Variants in CHCHD3 observed in about 807,000 individuals in gnomAD.
CHCHD3 encodes coiled-coil-helix-coiled-coil-helix domain containing 3.
CHCHD3 carries 20 observed loss-of-function variants against 38.2 expected under a neutral mutation model. The observed-to-expected ratio is 0.52, with a 90% CI of 0.37 to 0.76. The LOEUF (loss-of-function observed/expected upper bound fraction) is 0.76. CHCHD3 is among the 30% of genes least tolerant of loss of function. The pLI is 0.00. For synonymous variants in CHCHD3, 82 were observed against 100.0 expected (o/e 0.82, Z 1.07); for missense variants, 245 against 279.2 (o/e 0.88, Z 0.87).
chr7:132,926,188 CA>C (rs1810373039), intron 4 of CHCHD3, among the ~76,000 whole-genome samples: 2 of 152,144 alleles, frequency 1.3e-5, no homozygotes, highest in African/African-American at 4.8e-5. Flanking sequence ...CAGTACAGGC[CA>C]AATGAAGGCC....
chr7:132,948,262 T>C lies in CHCHD3; in HGVS notation c.369+26907A>G, dbSNP rs536720006. Among the ~76,000 whole-genome samples, 6 of 152,188 alleles carry C rather than the reference T, an allele frequency of 3.9e-5. 1 individual carries two copies. The highest frequency in any genetic ancestry group is 4.1e-4 in the South Asian group (2 of 4,826). On this transcript the variant is annotated intron_variant, in intron 4 of 7. Transcript: ENST00000262570. The stretch of plus-strand genomic sequence containing the variant: ...GACCTTGACTCTGACTGCTGGCTGT[T>C]TCCAAAAATCAAATTTATTCTCAGC...
chr7:132,906,899 T>C (rs1402195071), intron 4 of CHCHD3, among the ~76,000 whole-genome samples: 1 of 152,172 alleles, frequency 6.6e-6, no homozygotes, highest in South Asian at 2.1e-4. Flanking sequence ...GTGGGTAGAA[T>C]GGCCAGGACA....
chr7:132,910,725 T>C (rs1001223114), intron 4 of CHCHD3, among the ~76,000 whole-genome samples: 3 of 152,186 alleles, frequency 2.0e-5, no homozygotes, highest in African/African-American at 7.2e-5. Context: ...AGCAATTATA[T>C]GCTTCTAAGA....
At chr7:132,939,621 ATGAC>A (rs1410029675) in intron 4 of CHCHD3, among the ~76,000 whole-genome samples, 1 of 152,174 alleles carries the variant, frequency 6.6e-6, no homozygotes, top group Admixed American at 6.5e-5. Context: ...TTTGTTATTT[ATGAC>A]TGTACCAAAC....
At chr7:132,815,499 TCA>T (rs1563243613) in intron 6 of CHCHD3, 1 of 451,980 alleles carries the variant, frequency 2.2e-6, no homozygotes, top group African/African-American at 2.0e-5. Flanking sequence ...CAAATGCCAG[TCA>T]CAGTTTCACT....
At chr7:132,875,682 T>A (rs539620091) in intron 5 of CHCHD3, among the ~76,000 whole-genome samples, 21 of 152,234 alleles carry the variant, frequency 1.4e-4, no homozygotes, top group African/African-American at 5.1e-4. Context: ...TCATTATATC[T>A]TTGAATAGAG....
intron 5 of CHCHD3, among the ~76,000 whole-genome samples, chr7:132,868,214 G>A (rs985461855): frequency 1.3e-5 from 2 of 152,008 alleles, no homozygotes; most frequent in African/African-American, 4.8e-5. Flanking sequence ...TTGCTTTTTA[G>A]GTAGAAGCAG....
intron 5 of CHCHD3, among the ~76,000 whole-genome samples, chr7:132,841,149 T>A (rs1807929667): frequency 6.6e-6 from 1 of 152,132 alleles, no homozygotes; most frequent in African/African-American, 2.4e-5. Context: ...GTGTAGACAG[T>A]GTTTAATTCA....
At chr7:132,823,580 G>A (rs1382232049) in intron 6 of CHCHD3, among the ~76,000 whole-genome samples, 2 of 152,120 alleles carry the variant, frequency 1.3e-5, no homozygotes, top group African/African-American at 4.8e-5. Context: ...AAAGAGAAAA[G>A]TTGTTCATAA....
At chr7:132,812,314 A>G (rs1360759136) in intron 6 of CHCHD3, among the ~76,000 whole-genome samples, 1 of 137,312 alleles carries the variant, frequency 7.3e-6, no homozygotes, top group Non-Finnish European at 1.5e-5. Flanking sequence ...GTTCAAGCTG[A>G]TTCTCCTGCC....
chr7:133,039,891 C>T (rs1220078011), intron 2 of CHCHD3, among the ~76,000 whole-genome samples: 3 of 152,164 alleles, frequency 2.0e-5, no homozygotes, highest in African/African-American at 2.4e-5. Context: ...TCAGAGTCAT[C>T]CCCCATGACA....
At chr7:132,791,703 G>A (rs1171074512) in intron 7 of CHCHD3, among the ~76,000 whole-genome samples, 1 of 152,208 alleles carries the variant, frequency 6.6e-6, no homozygotes, top group Non-Finnish European at 1.5e-5. Context: ...AATTGTGCCA[G>A]GGCAAATTCC....
At chr7:132,973,219 G>A (rs1366190201) in intron 4 of CHCHD3, 2 of 985,314 alleles carry the variant, frequency 2.0e-6, no homozygotes, top group African/African-American at 1.7e-5. Flanking sequence ...TAAAAGCTGG[G>A]AGGCAAAGAG....
chr7:132,886,209 T>C (rs1809205067), intron 4 of CHCHD3, among the ~76,000 whole-genome samples: 1 of 152,130 alleles, frequency 6.6e-6, no homozygotes, highest in Non-Finnish European at 1.5e-5. Context: ...ATTGTTCTAT[T>C]TCCCTTTATG....
intron 4 of CHCHD3, among the ~76,000 whole-genome samples, chr7:132,960,290 G>A (rs1406755591): frequency 6.6e-6 from 1 of 152,132 alleles, no homozygotes; most frequent in African/African-American, 2.4e-5. Context: ...AGAGGACGGG[G>A]AAAGCAGTAT....
Position 133,068,638 on chromosome 7 carries a change from G to A in CHCHD3, c.169+1504C>T, listed in dbSNP as rs1483979956. ...GGGAGCCAGTTAAGAGACTTCCACAGAAGACGACAGTTATCTATCTGGATT... is the reference window on the plus strand; with the variant it reads ...GGGAGCCAGTTAAGAGACTTCCACAAAAGACGACAGTTATCTATCTGGATT... On this transcript the variant is annotated intron_variant, in intron 2 of 7. Coordinates refer to ENST00000262570, the MANE Select transcript of CHCHD3 (RefSeq NM_017812.4). Among the ~76,000 whole-genome samples the A allele has an allele frequency of 5.9e-5, 9 of 152,210 alleles. No homozygotes were observed. In the South Asian group the frequency reaches 1.9e-3, roughly 31 times the overall value.
intron 5 of CHCHD3, among the ~76,000 whole-genome samples, chr7:132,851,024 T>C (rs1034836738): frequency 7.2e-5 from 11 of 152,156 alleles, no homozygotes; most frequent in Non-Finnish European, 1.3e-4. Flanking sequence ...CTGACCCCTT[T>C]AGGAATAAGA....
chr7:132,842,980 G>A (rs183882628), intron 5 of CHCHD3, among the ~76,000 whole-genome samples: 23 of 152,234 alleles, frequency 1.5e-4, no homozygotes, highest in Admixed American at 1.4e-3. Flanking sequence ...ATCCACTGGC[G>A]AGTCCTGCCT....
intron 6 of CHCHD3, among the ~76,000 whole-genome samples, chr7:132,800,769 A>G (rs1410472265): frequency 1.3e-5 from 2 of 152,120 alleles, no homozygotes; most frequent in African/African-American, 4.8e-5. Flanking sequence ...ATGATGAAAT[A>G]CCAGAGAGAG....
Sources: gnomAD v4.1 joint callset for allele counts (sites outside exome capture counted in the v4.1 genomes callset) on GRCh38, gnomAD v4.1.1 for gene constraint, MANE v1.5 for transcripts, NCBI Gene and HGNC (gene_info 2026-07-23, HGNC 2026-07-21) for gene names.